Variants in OSBPL10 observed in about 807,000 individuals in gnomAD.
OSBPL10 encodes the protein oxysterol binding protein like 10, also known as oxysterol-binding protein-related protein 10.
Under a neutral mutation model 81.7 loss-of-function variants are expected in OSBPL10, and 49 were observed. The observed-to-expected ratio is 0.60, with a 90% CI of 0.48 to 0.76. The LOEUF (loss-of-function observed/expected upper bound fraction) is 0.76. OSBPL10 is among the 30% of genes least tolerant of loss of function. OSBPL10 has a pLI of 0.00. For missense variants in OSBPL10, 923 were observed against 987.8 expected (o/e 0.93, Z 0.88); for synonymous variants, 419 against 383.6 (o/e 1.09, Z -1.08).
intron 3 of OSBPL10, among the ~76,000 whole-genome samples, chr3:31,837,325 A>T (rs989151810): frequency 9.9e-4 from 4 of 4,034 alleles, no homozygotes; most frequent in East Asian, 0.019. Flanking sequence ...CCCAAATTAT[A>T]TATATATATA....
intron 3 of OSBPL10, among the ~76,000 whole-genome samples, chr3:31,837,321 TTATATATATATATATATATATATATATA>T (rs59797512): frequency 0.037 from 2,207 of 59,096 alleles, 94 homozygotes; most frequent in African/African-American, 0.081. Flanking sequence ...GATCCCCAAA[TTATATATATATATATATATATATATATA>T]TATATATATA....
intron 3 of OSBPL10, among the ~76,000 whole-genome samples, chr3:31,835,748 C>T (rs1425699601): frequency 6.6e-6 from 1 of 152,164 alleles, no homozygotes; most frequent in Non-Finnish European, 1.5e-5. Context: ...TATTTCTTCT[C>T]TTCCTCTAAA....
At chr3:31,716,721 T>A (rs1696451872) in intron 6 of OSBPL10, among the ~76,000 whole-genome samples, 1 of 152,172 alleles carries the variant, frequency 6.6e-6, no homozygotes, top group Non-Finnish European at 1.5e-5. Flanking sequence ...CATAAACTTG[T>A]GTAGGCACAA....
At chr3:31,804,636 G>A (rs560060461) in intron 4 of OSBPL10, among the ~76,000 whole-genome samples, 8 of 152,286 alleles carry the variant, frequency 5.3e-5, no homozygotes, top group Admixed American at 2.6e-4. Context: ...ATTAAAGGTA[G>A]AGCTCCCCAT....
intron 1 of OSBPL10, among the ~76,000 whole-genome samples, chr3:32,050,861 A>C (rs978405734): frequency 6.6e-6 from 1 of 152,046 alleles, no homozygotes; most frequent in Non-Finnish European, 1.5e-5. Flanking sequence ...GGGTTTCTCC[A>C]TGTTGGTCAG....
chr3:31,827,432 C>G (rs1700127138), intron 4 of OSBPL10, among the ~76,000 whole-genome samples: 1 of 152,068 alleles, frequency 6.6e-6, no homozygotes. Context: ...GTCAGGAGAT[C>G]AAGACCAGCC....
At chr3:31,812,820 G>A (rs1056726434) in intron 4 of OSBPL10, among the ~76,000 whole-genome samples, 17 of 105,314 alleles carry the variant, frequency 1.6e-4, no homozygotes, top group African/African-American at 3.2e-4. Context: ...GAAAGAAAGA[G>A]AAAGAAAGAA....
chr3:31,970,860 C>T (rs192071202), intron 1 of OSBPL10, among the ~76,000 whole-genome samples: 301 of 152,322 alleles, frequency 2.0e-3, no homozygotes, highest in Admixed American at 3.5e-3. Flanking sequence ...CCACATACAA[C>T]CTGCATTCCA....
At chr3:31,701,166 A>C (rs1363085241) in intron 7 of OSBPL10, among the ~76,000 whole-genome samples, 2 of 152,110 alleles carry the variant, frequency 1.3e-5, no homozygotes, top group Admixed American at 1.3e-4. Flanking sequence ...TCCTCAAAGA[A>C]TTCCTCACAC....
At chr3:31,993,484 A>G (rs1462367126) in intron 2 of OSBPL10, among the ~76,000 whole-genome samples, 2 of 152,200 alleles carry the variant, frequency 1.3e-5, no homozygotes, top group African/African-American at 4.8e-5. Context: ...CTGGGATTAC[A>G]GGCATGAGCC....
At chr3:31,975,125 G>A (rs1286475644) in intron 1 of OSBPL10, among the ~76,000 whole-genome samples, 2 of 152,134 alleles carry the variant, frequency 1.3e-5, no homozygotes, top group Middle Eastern at 3.2e-3. Context: ...CGAAGCAGGT[G>A]CTCAATACGT....
intron 10 of OSBPL10, 133 bp from the exon 11 acceptor site, chr3:31,664,365 C>A (rs1401923902): frequency 8.9e-6 from 7 of 789,694 alleles, no homozygotes; most frequent in Non-Finnish European, 1.4e-5. Context: ...ATCCCAGATA[C>A]CTCAAAGACC....
chr3:32,043,866 C>A (rs1292356824), intron 2 of OSBPL10, among the ~76,000 whole-genome samples: 2 of 150,936 alleles, frequency 1.3e-5, no homozygotes, highest in African/African-American at 4.9e-5. Flanking sequence ...ACATTGGGTA[C>A]TCACGGACAT....
At chr3:32,076,347 A>G (rs1448576580) in intron 1 of OSBPL10, among the ~76,000 whole-genome samples, 2 of 151,888 alleles carry the variant, frequency 1.3e-5, no homozygotes, top group Non-Finnish European at 2.9e-5. Context: ...CAACCTGGGC[A>G]ACAGAGTGAG....
At chr3:32,015,777 G>T (rs985680590) in intron 2 of OSBPL10, among the ~76,000 whole-genome samples, 1 of 152,138 alleles carries the variant, frequency 6.6e-6, no homozygotes, top group African/African-American at 2.4e-5. Context: ...CCATCAACAA[G>T]TGGGCGAAGG....
At chr3:31,838,494 GA>G (rs1201289918) in intron 3 of OSBPL10, among the ~76,000 whole-genome samples, 1 of 121,790 alleles carries the variant, frequency 8.2e-6, no homozygotes, top group Non-Finnish European at 1.6e-5. Context: ...CTGGGCGACA[GA>G]GCAAGACTCT....
chr3:31,979,857 C>A (rs1016707775), intron 1 of OSBPL10, among the ~76,000 whole-genome samples: 1 of 152,076 alleles, frequency 6.6e-6, no homozygotes, highest in African/African-American at 2.4e-5. Context: ...GTGTCCATAA[C>A]TAGGCTTCTC....
intron 7 of OSBPL10, among the ~76,000 whole-genome samples, chr3:31,689,508 C>A (rs996325269): frequency 6.6e-6 from 1 of 152,146 alleles, no homozygotes; most frequent in African/African-American, 2.4e-5. Flanking sequence ...AATGGTTAAT[C>A]AAAAAATAAA....
intron 10 of OSBPL10, among the ~76,000 whole-genome samples, chr3:31,667,122 A>G (rs1032254889): frequency 6.6e-6 from 1 of 152,256 alleles, no homozygotes; most frequent in South Asian, 2.1e-4. Flanking sequence ...AGGTGATCAC[A>G]GTTTTGTTCT....
Sources: allele counts gnomAD v4.1 joint callset (sites outside exome capture counted in the v4.1 genomes callset), GRCh38; gene constraint gnomAD v4.1.1; transcripts MANE v1.5; gene names NCBI Gene and HGNC (gene_info 2026-07-23, HGNC 2026-07-21).